BSN: variants seen among roughly 807,000 people sequenced by gnomAD.
BSN encodes protein bassoon.
Under a neutral mutation model 264.8 loss-of-function variants are expected in BSN, and 57 were observed. That is an observed-to-expected ratio of 0.22 (90% CI 0.17 to 0.27). The LOEUF (loss-of-function observed/expected upper bound fraction) is 0.27, where lower values mean the gene tolerates loss of function less well. BSN is among the 10% of genes least tolerant of loss of function. The probability of loss-of-function intolerance (pLI) is 1.00; values close to 1 mark genes in which losing one functional copy is unlikely to be tolerated. For missense variants in BSN, 4,615 were observed against 5,232.5 expected (o/e 0.88, Z 3.64); for synonymous variants, 2,059 against 2,137.3 (o/e 0.96, Z 1.01).
intron 2 of BSN, among the ~76,000 whole-genome samples, chr3:49,637,477 A>G (rs1375730853): frequency 1.3e-5 from 2 of 152,190 alleles, no homozygotes; most frequent in African/African-American, 4.8e-5. Context: ...TCCTTGCTCC[A>G]GAGCCCAGTG....
intron 2 of BSN, among the ~76,000 whole-genome samples, chr3:49,635,808 C>T (rs2052416103): frequency 6.6e-6 from 1 of 151,920 alleles, no homozygotes; most frequent in African/African-American, 2.4e-5. Flanking sequence ...AACCCTGTCT[C>T]TACCAAAAAA....
chr3:49,565,270 C>T (rs1469680444), intron 1 of BSN, among the ~76,000 whole-genome samples: 17 of 147,816 alleles, frequency 1.2e-4, no homozygotes, highest in African/African-American at 3.5e-4. Context: ...CTCAGCCTCC[C>T]GAGTAGCTGG....
rs71080542 is a variant in BSN, at chr3:49,624,300, C to CTTTTTTTT, written c.225-665_225-658dup. Among the ~76,000 whole-genome samples the CTTTTTTTT allele has an allele frequency of 1.6e-4, 11 of 67,184 alleles. 1 individual carries two copies. The highest frequency in any genetic ancestry group is 5.4e-4 in the African/African-American group (10 of 18,668). The allele number at this position is 67,184 out of a possible 152,430, so 44.1% of individuals were successfully genotyped here. A position where few individuals can be genotyped will look rare whatever the true frequency, so the allele number is the denominator to read the frequency against. ...CCAGGCGTGAGCCAACGTGCCCAGC[C>CTTTTTTTT]TTTTTTTTTTTTTTTTTAGACAGGG... On this transcript the variant is annotated intron_variant, in intron 1 of 11. Coordinates refer to ENST00000296452, the MANE Select transcript of BSN (RefSeq NM_003458.4).
intron 8 of BSN, among the ~76,000 whole-genome samples, 169 bp from the exon 9 acceptor site, chr3:49,664,254 A>C (rs2052691782): frequency 1.4e-5 from 2 of 144,928 alleles, no homozygotes; most frequent in South Asian, 2.2e-4. Context: ...GCCTTCTCCC[A>C]CCCCTTGTCT....
At chr3:49,646,258 A>G (rs1220971681) in intron 3 of BSN, among the ~76,000 whole-genome samples, 1 of 151,984 alleles carries the variant, frequency 6.6e-6, no homozygotes, top group Non-Finnish European at 1.5e-5. Flanking sequence ...TTTTTTACCT[A>G]TTTGTCTTTT....
rs904662509 is a variant in BSN, at chr3:49,585,011, G to A, written c.224+30185G>A. ...CTGAGTAGTACTCCACTGTATATAC[G>A]TGCCACATTTTCTTTATCCATTCAG... is the stretch of plus-strand genomic sequence containing the variant. On this transcript the variant is annotated intron_variant, in intron 1 of 11. Coordinates refer to ENST00000296452, the MANE Select transcript of BSN (RefSeq NM_003458.4). The surrounding 1 kb of genome is among the most constrained non-coding windows in gnomAD (Gnocchi z 4.7). 2.0e-5 allele frequency among the ~76,000 whole-genome samples: 3 copies of A among 152,014 alleles called. No individual in the cohort carries two copies. Among genetic ancestry groups the A allele is most frequent in the Admixed American group, 1.3e-4 (2 of 15,254 alleles).
At chr3:49,665,556 A>C (rs1446390513) in intron 11 of BSN, among the ~76,000 whole-genome samples, 1 of 152,234 alleles carries the variant, frequency 6.6e-6, no homozygotes, top group Non-Finnish European at 1.5e-5. Flanking sequence ...GGCTAACTGC[A>C]CCTCACAACT....
At chr3:49,598,745 C>G (rs1356299533) in intron 1 of BSN, among the ~76,000 whole-genome samples, 5 of 152,114 alleles carry the variant, frequency 3.3e-5, no homozygotes, top group African/African-American at 9.7e-5. Flanking sequence ...TGAATGCTTT[C>G]CCCATAAAAC....
At chr3:49,643,295 C>T in intron 3 of BSN, 143 bp downstream of exon 3, 4 of 1,394,192 alleles carry the variant, frequency 2.9e-6, no homozygotes, top group Non-Finnish European at 3.8e-6. Context: ...AGAGGGGCTG[C>T]ATTCCCTTTC....
intron 1 of BSN, among the ~76,000 whole-genome samples, chr3:49,605,492 TATATATA>T (rs2052113934): frequency 1.4e-4 from 1 of 6,954 alleles, no homozygotes; most frequent in African/African-American, 6.7e-4. Context: ...TAATATATAT[TATATATA>T]ATATATATTA....
At chr3:49,592,549 G>A (rs1575431488) in intron 1 of BSN, among the ~76,000 whole-genome samples, 1 of 150,824 alleles carries the variant, frequency 6.6e-6, no homozygotes, top group South Asian at 2.1e-4. Flanking sequence ...GTCAGGAGAT[G>A]GAGACTATCC....
chr3:49,655,460 G>A lies in BSN; in HGVS notation c.5904G>A (p.Glu1968=). ...TGGTGGGGCCTGGGCCCCATGAGGA[G>A]CAGAGGCCCTACCCACAAGGCCTGC... The part of the protein sequence containing the change: ...QGVVGPGPHE[E]QRPYPQGLPG... Residue 1968 remains glutamate (E), a synonymous_variant, in exon 5 of 12, where the codon GAG becomes GAA. Transcript: ENST00000296452. 6.3e-7 allele frequency: 1 copy of A among 1,578,812 alleles called. No individual in the cohort carries two copies. Among genetic ancestry groups the A allele is most frequent in the Non-Finnish European group, 8.6e-7 (1 of 1,161,006 alleles).
chr3:49,653,990 A>T lies in BSN; in HGVS notation c.4434A>T (p.Pro1478=). 6.2e-7 allele frequency: 1 copy of T among 1,613,542 alleles called. No individual in the cohort carries two copies. Among genetic ancestry groups the T allele is most frequent in the Non-Finnish European group, 8.5e-7 (1 of 1,179,878 alleles). The change falls in exon 5 of 12, where the codon CCA becomes CCT. Residue 1478 remains proline, a synonymous_variant. Transcript: ENST00000296452. This position sits in a 1 kb window ranked among gnomAD's most constrained non-coding sequence, Gnocchi z 6.3. ...ATTCCTACTTTGCAAGCTCCAGCCC[A>T]CCTCTCTCCCCGTCTTCCCCCTCAG... ...RAYSYFASSS[P]PLSPSSPSES... is the part of the protein sequence containing the mutation.
At chr3:49,574,688 T>C (rs2108010329) in intron 1 of BSN, among the ~76,000 whole-genome samples, 1 of 144,832 alleles carries the variant, frequency 6.9e-6, no homozygotes, top group South Asian at 2.3e-4. Flanking sequence ...GAGGCTGTAG[T>C]GCAGTGGCAC....
chr3:49,662,657 C>T, intron 6 of BSN, 95 bp downstream of exon 6: 1 of 1,438,114 alleles, frequency 7.0e-7, no homozygotes, highest in Middle Eastern at 2.3e-4. Context: ...CCAGCAGGGT[C>T]TGGTCTGGCG....
At chr3:49,574,134 T>A (rs1011105500) in intron 1 of BSN, among the ~76,000 whole-genome samples, 46 of 147,690 alleles carry the variant, frequency 3.1e-4, no homozygotes, top group Admixed American at 1.5e-3. Context: ...ATTTTTGTAT[T>A]TTTTTTTTTT....
intron 1 of BSN, among the ~76,000 whole-genome samples, chr3:49,618,073 A>G (rs922483295): frequency 6.6e-6 from 1 of 151,862 alleles, no homozygotes; most frequent in Non-Finnish European, 1.5e-5. Flanking sequence ...CTCTACTCCT[A>G]TGAACTTTGG....
At chr3:49,593,111 A>G (rs1298684887) in intron 1 of BSN, among the ~76,000 whole-genome samples, 1 of 152,194 alleles carries the variant, frequency 6.6e-6, no homozygotes, top group Non-Finnish European at 1.5e-5. Flanking sequence ...TTAAAGCAAA[A>G]TATGTTATTT....
intron 1 of BSN, among the ~76,000 whole-genome samples, chr3:49,564,827 T>G (rs949076260): frequency 6.6e-6 from 1 of 152,174 alleles, no homozygotes; most frequent in Non-Finnish European, 1.5e-5. Flanking sequence ...TGGCAGCCCC[T>G]GTGCTCTGCA....
Sources: gnomAD v4.1 joint callset for allele counts (sites outside exome capture counted in the v4.1 genomes callset) on GRCh38, gnomAD v4.1.1 for gene constraint, Gnocchi (gnomAD v3.1) non-coding constraint, MANE v1.5 for transcripts, NCBI Gene and HGNC (gene_info 2026-07-23, HGNC 2026-07-21) for gene names.